Variants in TEX11 observed in about 807,000 individuals in gnomAD.
The protein encoded by TEX11 is testis expressed 11.
A neutral mutation model predicts 84.4 loss-of-function variants in TEX11; 7 were observed. That is an observed-to-expected ratio of 0.08 (90% CI 0.05 to 0.16). The LOEUF (loss-of-function observed/expected upper bound fraction) is 0.16. Ranked by LOEUF, TEX11 falls within the 10% of genes least tolerant of loss-of-function variation. The pLI is 1.00. For missense variants in TEX11, 551 were observed against 660.5 expected (o/e 0.83, Z 1.82); for synonymous variants, 264 against 222.8 (o/e 1.18, Z -1.64).
intron 20 of TEX11, among the ~76,000 whole-genome samples, chrX:70,614,682 G>A (rs1028311145): frequency 9.0e-6 from 1 of 111,564 alleles, no homozygotes; most frequent in African/African-American, 3.3e-5. Context: ...TAGTCAGGTA[G>A]TGCTTACAGT....
At chrX:70,720,927 A>T (rs754710681) in intron 13 of TEX11, among the ~76,000 whole-genome samples, 1 of 110,505 alleles carries the variant, frequency 9.0e-6, no homozygotes, top group South Asian at 3.8e-4. Flanking sequence ...ATTGATTTGG[A>T]ATGTAGTATT....
At chrX:70,570,541 C>A (rs1266589396) in intron 25 of TEX11, among the ~76,000 whole-genome samples, 3 of 112,299 alleles carry the variant, frequency 2.7e-5, no homozygotes, top group Non-Finnish European at 5.6e-5. Flanking sequence ...TCCTATTTGG[C>A]CATCTTGGCT....
At chrX:70,803,994 T>G (rs906661983) in intron 9 of TEX11, among the ~76,000 whole-genome samples, 8 of 100,927 alleles carry the variant, frequency 7.9e-5, no homozygotes, top group Non-Finnish European at 1.2e-4. Context: ...AAAACAATGT[T>G]TTTTTTTTTT....
chrX:70,803,961 T>C (rs1233566524), intron 9 of TEX11, among the ~76,000 whole-genome samples: 3 of 111,716 alleles, frequency 2.7e-5, no homozygotes, highest in East Asian at 2.8e-4. Flanking sequence ...GTGGTTTATA[T>C]AGCGAGGCTC....
chrX:70,706,399 A>G (rs1040913478), intron 13 of TEX11, among the ~76,000 whole-genome samples: 2 of 110,727 alleles, frequency 1.8e-5, no homozygotes, highest in African/African-American at 3.3e-5. Flanking sequence ...TGGCGCATGT[A>G]TACATATGTA....
At chrX:70,718,123 G>C (rs1438667917) in intron 13 of TEX11, among the ~76,000 whole-genome samples, 1 of 111,446 alleles carries the variant, frequency 9.0e-6, no homozygotes, top group East Asian at 2.8e-4. Flanking sequence ...ATGATGGATG[G>C]CCAAAAGCAG....
the TEX11 span, among the ~76,000 whole-genome samples, chrX:70,521,344 T>C: frequency 9.1e-6 from 1 of 110,368 alleles, no homozygotes; most frequent in African/African-American, 3.3e-5. Context: ...AGTGGCATGA[T>C]CTCAGTTCAT....
chrX:70,808,149 A>G (rs746135855), intron 8 of TEX11, among the ~76,000 whole-genome samples: 33 of 100,260 alleles, frequency 3.3e-4, no homozygotes, highest in African/African-American at 1.1e-3. Flanking sequence ...AAAAAGAATG[A>G]ATGAATAAGA....
At chrX:70,730,998 C>A (rs996546583) in intron 11 of TEX11, among the ~76,000 whole-genome samples, 1 of 112,052 alleles carries the variant, frequency 8.9e-6, no homozygotes, top group Non-Finnish European at 1.9e-5. Context: ...GATTAAGAAA[C>A]TCACTCAAAA....
intron 17 of TEX11, among the ~76,000 whole-genome samples, chrX:70,636,151 C>T (rs1263380846): frequency 9.0e-6 from 1 of 110,513 alleles, no homozygotes; most frequent in Non-Finnish European, 1.9e-5. Context: ...ACATCCATCC[C>T]CCAGGCTGGC....
chrX:70,857,974 A>G (rs932331420), intron 5 of TEX11, among the ~76,000 whole-genome samples: 1 of 111,234 alleles, frequency 9.0e-6, no homozygotes, highest in Non-Finnish European at 1.9e-5. Context: ...CAAACATCGT[A>G]TGTTCTCACT....
intron 9 of TEX11, among the ~76,000 whole-genome samples, chrX:70,757,891 GACAA>G (rs1369981530): frequency 9.0e-6 from 1 of 111,280 alleles, no homozygotes; most frequent in East Asian, 2.8e-4. Flanking sequence ...CACGTGCTGA[GACAA>G]ACATAGGCTC....
At chrX:70,592,754 G>A (rs992504819) in intron 24 of TEX11, among the ~76,000 whole-genome samples, 1 of 111,307 alleles carries the variant, frequency 9.0e-6, no homozygotes, top group African/African-American at 3.3e-5. Flanking sequence ...CAAAACAGTG[G>A]TTCAGTTTCT....
intron 25 of TEX11, among the ~76,000 whole-genome samples, chrX:70,580,246 A>G (rs200665822): frequency 8.9e-6 from 1 of 112,344 alleles, no homozygotes; most frequent in East Asian, 2.8e-4. Context: ...TGTGGAAGCT[A>G]AAAATTAAGC....
chrX:70,665,065 C>T (rs984351122), intron 16 of TEX11, among the ~76,000 whole-genome samples: 1 of 110,765 alleles, frequency 9.0e-6, no homozygotes, highest in African/African-American at 3.3e-5. Flanking sequence ...TGAATAGTCT[C>T]ATCTTTGTGT....
At chrX:70,620,474 G>A (rs1306493319) in intron 20 of TEX11, among the ~76,000 whole-genome samples, 1 of 111,833 alleles carries the variant, frequency 8.9e-6, no homozygotes, top group African/African-American at 3.3e-5. Context: ...AGGGCACACA[G>A]CAACAGGGAC....
intron 28 of TEX11, among the ~76,000 whole-genome samples, chrX:70,546,632 A>G (rs2088129376): frequency 9.0e-6 from 1 of 111,639 alleles, no homozygotes; most frequent in Non-Finnish European, 1.9e-5. Context: ...ACATGAAAAA[A>G]TGATCATCAC....
At chrX:70,537,161 T>C (rs945843077) in intron 28 of TEX11, among the ~76,000 whole-genome samples, 1 of 111,737 alleles carries the variant, frequency 8.9e-6, no homozygotes, top group Non-Finnish European at 1.9e-5. Flanking sequence ...AGGGATCTCA[T>C]ATGTGATGCC....
At chrX:70,820,039 G>A (rs1396193819) in intron 8 of TEX11, among the ~76,000 whole-genome samples, 1 of 111,620 alleles carries the variant, frequency 9.0e-6, no homozygotes, top group Admixed American at 9.5e-5. Flanking sequence ...AAATCTGAAT[G>A]GCATTCTTTA....
Sources: allele counts gnomAD v4.1 joint callset (sites outside exome capture counted in the v4.1 genomes callset), GRCh38; gene constraint gnomAD v4.1.1; transcripts MANE v1.5; gene names NCBI Gene and HGNC (gene_info 2026-07-23, HGNC 2026-07-21).